DERA: variants seen among roughly 807,000 people sequenced by gnomAD.
The protein encoded by DERA is 2-deoxy-D-ribose 5-phosphate aldolase.
A neutral mutation model predicts 41.1 loss-of-function variants in DERA; 15 were observed. That is an observed-to-expected ratio of 0.37 (90% CI 0.24 to 0.56). DERA has a LOEUF of 0.56. Among genes scored for constraint, DERA ranks in the 20% least tolerant of loss-of-function variants. DERA has a pLI of 0.81. For missense variants in DERA, 396 were observed against 403.4 expected, an observed-to-expected ratio of 0.98 and a Z score of 0.16; for synonymous variants, 139 against 137.4, an observed-to-expected ratio of 1.01 and a Z score of -0.08.
intron 1 of DERA, among the ~76,000 whole-genome samples, chr12:15,934,957 A>C (rs74065511): frequency 0.031 from 4,792 of 152,278 alleles, 263 homozygotes; most frequent in African/African-American, 0.11. Flanking sequence ...ACAATAGCGA[A>C]AAAGATTATG....
In DERA at chr12:16,020,673, G is replaced by A. The variant is rs760185349; in HGVS notation, c.638-11869G>A. On this transcript the variant is annotated intron_variant, in intron 6 of 8. Coordinates refer to ENST00000428559, the MANE Select transcript of DERA (RefSeq NM_015954.4). This position sits in a 1 kb window ranked among gnomAD's most constrained non-coding sequence, Gnocchi z 5.5. ...GAAAGTTTGAAACTTATGAGAGACT[G>A]GTTAAATGGTTGTGAGAAAATGCTG... Among the ~76,000 whole-genome samples the A allele has an allele frequency of 6.6e-6, 1 of 152,132 alleles. No individual in the cohort carries two copies. The highest frequency in any genetic ancestry group is 1.5e-5 in the Non-Finnish European group (1 of 68,014).
rs571933756 is a variant in DERA, at chr12:15,916,476, A to C, written c.31+5062A>C. Among the ~76,000 whole-genome samples, 156 of 135,150 alleles carry C rather than the reference A, an allele frequency of 1.2e-3. 1 individual carries two copies. The highest frequency in any genetic ancestry group is 1.4e-3 in the Non-Finnish European group (88 of 64,786). The allele number at this position is 135,150 out of a possible 152,430, so 88.7% of individuals were successfully genotyped here. On this transcript the variant is annotated intron_variant, in intron 1 of 8. Transcript: ENST00000428559. ...TTTTTTTTTTTTTTTTTTGAGACAGAGTCTCACTCTGTCACCCAGGCTGGA... is the reference window on the plus strand; with the variant it reads ...TTTTTTTTTTTTTTTTTTGAGACAGCGTCTCACTCTGTCACCCAGGCTGGA...
intron 1 of DERA, among the ~76,000 whole-genome samples, chr12:15,937,581 A>T (rs1011831442): frequency 6.6e-6 from 1 of 152,198 alleles, no homozygotes; most frequent in African/African-American, 2.4e-5. Flanking sequence ...GGTAATGCTA[A>T]TGTATTATTT....
rs1353573105 is a variant in DERA, at chr12:15,935,163, C to A, written c.32-21773C>A. 6.6e-6 allele frequency among the ~76,000 whole-genome samples: 1 copy of A among 152,146 alleles called. No homozygotes were observed. Among genetic ancestry groups the A allele is most frequent in the Non-Finnish European group, 1.5e-5 (1 of 68,030 alleles). On this transcript the variant is annotated intron_variant, in intron 1 of 8. Transcript: ENST00000428559. This position sits in a 1 kb window ranked among gnomAD's most constrained non-coding sequence, Gnocchi z 4.8. ...ATTGAGCTGAATTTAAATACATGGA[C>A]ATCCATTGCTATGATATTTTAAAGT... is the stretch of plus-strand genomic sequence containing the variant.
rs754727969 is a variant in DERA at position 15,918,456 on chromosome 12, C to T, written c.31+7042C>T. ...GCCATAGTGGTGCCCCCATTTCAAC[C>T]CGGCTTGAATGACTACGTTGTTCAC... is the stretch of plus-strand genomic sequence containing the variant. On this transcript the variant is annotated intron_variant, in intron 1 of 8. Transcript: ENST00000428559. The surrounding 1 kb of genome is among the most constrained non-coding windows in gnomAD (Gnocchi z 4.3). Among the ~76,000 whole-genome samples the T allele has an allele frequency of 1.3e-5, 2 of 152,200 alleles. No homozygotes were observed. Among genetic ancestry groups the T allele is most frequent in the Non-Finnish European group, 2.9e-5 (2 of 68,046 alleles).
rs1237490636 is a variant in DERA, at chr12:15,930,254, C to A, written c.31+18840C>A. On this transcript the variant is annotated intron_variant, in intron 1 of 8. Transcript: ENST00000428559. Reference sequence around the variant, plus strand: ...CATGAGGTTGTGAGGGAAAAAAATTCAAAGAGTGTAGGCAGTTGGAGCCTC... The same window carrying A: ...CATGAGGTTGTGAGGGAAAAAAATTAAAAGAGTGTAGGCAGTTGGAGCCTC... Among the ~76,000 whole-genome samples the A allele has an allele frequency of 3.3e-5, 5 of 152,046 alleles. No individual in the cohort carries two copies. The East Asian group carries it at 9.6e-4, about 29-fold the overall frequency.
intron 1 of DERA, among the ~76,000 whole-genome samples, chr12:15,953,728 G>A (rs538908032): frequency 3.9e-5 from 6 of 152,280 alleles, no homozygotes; most frequent in South Asian, 2.1e-4. Context: ...GAAAGGAGAC[G>A]CTAAAGGGTA....
chr12:16,002,637 T>C (rs940114956), intron 6 of DERA, among the ~76,000 whole-genome samples: 13 of 152,344 alleles, frequency 8.5e-5, no homozygotes, highest in African/African-American at 2.9e-4. Context: ...CAGCAAATTC[T>C]AAGTGTATAA....
chr12:16,029,911 G>GTTTT (rs1225412717), intron 6 of DERA, among the ~76,000 whole-genome samples: 74 of 67,924 alleles, frequency 1.1e-3, no homozygotes, highest in Admixed American at 3.2e-3. Flanking sequence ...TGTAGCCTTG[G>GTTTT]TCTTTTTTTT....
chr12:15,966,168 G>A lies in DERA; in HGVS notation c.508+3221G>A, dbSNP rs755358874. ...GAGGCTGAAACAGGCACTTTGGGAGGCCTCATCACCTCTTGCTCTGCTGCC... is the reference window on the plus strand; with the variant it reads ...GAGGCTGAAACAGGCACTTTGGGAGACCTCATCACCTCTTGCTCTGCTGCC... On this transcript the variant is annotated intron_variant, in intron 5 of 8. Coordinates refer to ENST00000428559, the MANE Select transcript of DERA (RefSeq NM_015954.4). This position sits in a 1 kb window ranked among gnomAD's most constrained non-coding sequence, Gnocchi z 5.1. Among the ~76,000 whole-genome samples, 1 of 152,066 alleles carries A rather than the reference G, an allele frequency of 6.6e-6. No individual in the cohort carries two copies. The highest frequency in any genetic ancestry group is 2.4e-5 in the African/African-American group (1 of 41,410).
Position 16,003,934 on chromosome 12 carries a change from C to T in DERA, c.637+21498C>T, listed in dbSNP as rs911251282. Among the ~76,000 whole-genome samples the T allele has an allele frequency of 2.6e-5, 4 of 152,160 alleles. No homozygotes were observed. Among genetic ancestry groups the T allele is most frequent in the South Asian group, 2.1e-4 (1 of 4,816 alleles). ...GTAGAGCTAGCCACTCAGAGGCATC[C>T]GGGCCTTCCTCTGTTTCCTAAAACA... On this transcript the variant is annotated intron_variant, in intron 6 of 8. Transcript: ENST00000428559. This position sits in a 1 kb window ranked among gnomAD's most constrained non-coding sequence, Gnocchi z 4.8.
Position 15,959,842 on chromosome 12 carries a change from C to T in DERA, c.291C>T (p.Ala97=), listed in dbSNP as rs34220997. Residue 97 remains alanine, a synonymous_variant, in exon 4 of 9, where the codon GCC becomes GCT. Coordinates refer to ENST00000428559, the MANE Select transcript of DERA (RefSeq NM_015954.4). This position sits in a 1 kb window ranked among gnomAD's most constrained non-coding sequence, Gnocchi z 4.5. ...LNMHDKGITT[A]AVCVYPARVC... is the part of the protein sequence containing the mutation. ...TTTTCTTGATAGGCATTACTACAGCCGCCGTTTGTGTTTATCCCGCCCGGG... is the reference window on the plus strand; with the variant it reads ...TTTTCTTGATAGGCATTACTACAGCTGCCGTTTGTGTTTATCCCGCCCGGG... 1.9e-3 allele frequency: 2,924 copies of T among 1,544,856 alleles called. 46 individuals are homozygous for T. In the African/African-American group the frequency reaches 0.035, roughly 18 times the overall value.
intron 5 of DERA, among the ~76,000 whole-genome samples, chr12:15,975,632 T>A (rs1165279321): frequency 1.3e-5 from 2 of 152,244 alleles, no homozygotes; most frequent in African/African-American, 2.4e-5. Context: ...CAAAATTAGT[T>A]CAGCCTGTGC....
intron 1 of DERA, among the ~76,000 whole-genome samples, chr12:15,914,393 T>TAAAAAAAAAAA (rs1185673228): frequency 3.6e-5 from 2 of 55,016 alleles, no homozygotes. Context: ...TCAAAAAAGA[T>TAAAAAAAAAAA]AAAAAAAAAA....
At chr12:16,033,945 A>G (rs769612226) in intron 7 of DERA, among the ~76,000 whole-genome samples, 7 of 152,212 alleles carry the variant, frequency 4.6e-5, no homozygotes, top group Non-Finnish European at 8.8e-5. Context: ...TTCTGCAACA[A>G]TCCAAATAAG....
chr12:16,007,228 G>A (rs1279974780), intron 6 of DERA, among the ~76,000 whole-genome samples: 1 of 147,496 alleles, frequency 6.8e-6, no homozygotes, highest in Admixed American at 6.8e-5. Context: ...CTGTTGCGCA[G>A]GCTGAAGCGC....
In DERA at chr12:15,911,571, G is replaced by C; in HGVS notation, c.31+157G>C. The stretch of plus-strand genomic sequence containing the variant: ...GGCGTCTGGTCAGCCCTCACCCCAA[G>C]TAAAGGCCGAACCCGGCACGTTCGC... On this transcript the variant is annotated intron_variant, in intron 1 of 8. Coordinates refer to ENST00000428559, the MANE Select transcript of DERA (RefSeq NM_015954.4). The surrounding 1 kb of genome is among the most constrained non-coding windows in gnomAD (Gnocchi z 4.5). The C allele has an allele frequency of 2.5e-6, 2 of 789,718 alleles. No individual in the cohort carries two copies. Among genetic ancestry groups the C allele is most frequent in the South Asian group, 3.1e-5 (2 of 65,066 alleles). 48.9% of individuals were successfully genotyped at this position (789,718 alleles called of 1,614,324 possible). A position where few individuals can be genotyped will look rare whatever the true frequency, so the allele number is the denominator to read the frequency against.
rs931652467 is a variant in DERA at position 16,026,269 on chromosome 12, C to T, written c.638-6273C>T. ...AAAGCTACTTTTTTTTTTCTCCCCC[C>T]GTAAGATTGGTAAACAGCTAGCTAG... On this transcript the variant is annotated intron_variant, in intron 6 of 8. Coordinates refer to ENST00000428559, the MANE Select transcript of DERA (RefSeq NM_015954.4). The surrounding 1 kb of genome is among the most constrained non-coding windows in gnomAD (Gnocchi z 4.4). 1.1e-4 allele frequency among the ~76,000 whole-genome samples: 17 copies of T among 150,364 alleles called. No individual in the cohort carries two copies. Among genetic ancestry groups the T allele is most frequent in the African/African-American group, 4.9e-5 (2 of 40,998 alleles).
intron 1 of DERA, among the ~76,000 whole-genome samples, chr12:15,917,064 A>G (rs1208216216): frequency 2.6e-5 from 4 of 152,330 alleles, no homozygotes; most frequent in African/African-American, 9.6e-5. Context: ...TTAGCTGTAA[A>G]CAAGATAAAC....
Sources: gnomAD v4.1 joint callset for allele counts (sites outside exome capture counted in the v4.1 genomes callset) on GRCh38, gnomAD v4.1.1 for gene constraint, Gnocchi (gnomAD v3.1) non-coding constraint, MANE v1.5 for transcripts, NCBI Gene and HGNC (gene_info 2026-07-23, HGNC 2026-07-21) for gene names.